The following GYG1 variants were observed in gnomAD, a reference collection of about 807,000 sequenced individuals.
The protein encoded by GYG1 is glycogenin-1.
GYG1 carries 44 observed loss-of-function variants against 41.9 expected under a neutral mutation model. The ratio of observed to expected loss-of-function variants is 1.05; its 90% CI spans 0.83 to 1.35. The LOEUF (loss-of-function observed/expected upper bound fraction) is 1.35, where lower values mean the gene tolerates loss of function less well. Ranked by LOEUF, GYG1 falls within the 40% of genes most tolerant of loss-of-function variation. GYG1 has a pLI of 0.00. For missense variants in GYG1, 429 were observed against 418.9 expected (o/e 1.02, Z -0.21); for synonymous variants, 141 against 158.1 (o/e 0.89, Z 0.81).
At chr3:148,996,192 C>T (rs1164581638) in intron 2 of GYG1, 110 bp from the exon 3 acceptor site, 3 of 822,002 alleles carry the variant, frequency 3.6e-6, no homozygotes, top group African/African-American at 1.7e-5. Context: ...CAAAGCAATA[C>T]ATTGTTCTAG....
chr3:149,007,427 A>G (rs1713463384), intron 4 of GYG1, among the ~76,000 whole-genome samples: 1 of 152,228 alleles, frequency 6.6e-6, no homozygotes, highest in African/African-American at 2.4e-5. Flanking sequence ...CCTTTGAGGA[A>G]CAGAGACCTG....
intron 4 of GYG1, 116 bp from the exon 5 acceptor site, chr3:149,009,158 CAA>C (rs3043934): frequency 0.012 from 7,789 of 630,566 alleles, 112 homozygotes; most frequent in African/African-American, 0.08. Flanking sequence ...GACTCCGTCT[CAA>C]AAAAAAAAAA....
chr3:148,994,119 G>C, intron 1 of GYG1, 23 bp from the exon 2 acceptor site: 1 of 1,430,462 alleles, frequency 7.0e-7, no homozygotes. Flanking sequence ...TGTAATGAGT[G>C]TTTTTTTTTT....
At chr3:149,020,974 A>G (rs1338757208) in intron 5 of GYG1, among the ~76,000 whole-genome samples, 1 of 152,044 alleles carries the variant, frequency 6.6e-6, no homozygotes, top group Non-Finnish European at 1.5e-5. Flanking sequence ...CCTTCCCTCC[A>G]CTCTGCAACA....
At chr3:149,012,506 A>G (rs970126264) in intron 5 of GYG1, among the ~76,000 whole-genome samples, 6 of 152,356 alleles carry the variant, frequency 3.9e-5, no homozygotes, top group Middle Eastern at 3.4e-3. Flanking sequence ...TTGGATATCT[A>G]GAACTTTGTG....
Position 149,026,865 on chromosome 3 carries a change from C to T in GYG1, c.985C>T (p.Gln329Ter). The stretch of plus-strand genomic sequence containing the variant: ...ACGGAAGGAACGATGGGAACAGGGC[C>T]AGGCTGATTATATGGGAGCAGATTC... ...EERKERWEQG[Q>*]ADYMGADSFD... Residue 329 changes from glutamine (Q) to a stop codon, truncating the protein, a stop_gained, in exon 8 of 8, where the codon CAG (glutamine) becomes TAG (stop). Transcript: ENST00000345003. LOFTEE classifies it high-confidence loss of function. 1.2e-6 allele frequency: 2 copies of T among 1,613,888 alleles called. No homozygotes were observed. The highest frequency in any genetic ancestry group is 1.7e-6 in the Non-Finnish European group (2 of 1,179,782).
At chr3:149,000,243 C>T (rs1031191367) in intron 4 of GYG1, among the ~76,000 whole-genome samples, 2 of 152,164 alleles carry the variant, frequency 1.3e-5, no homozygotes, top group African/African-American at 4.8e-5. Flanking sequence ...ACTACATAAC[C>T]GAATTCATGG....
intron 4 of GYG1, among the ~76,000 whole-genome samples, chr3:149,002,274 A>T (rs1255153214): frequency 6.6e-6 from 1 of 152,254 alleles, no homozygotes; most frequent in East Asian, 1.9e-4. Flanking sequence ...CCTTACAGAC[A>T]TCTAACAACT....
intron 4 of GYG1, among the ~76,000 whole-genome samples, chr3:149,000,566 G>A (rs1311494312): frequency 1.3e-5 from 2 of 152,128 alleles, no homozygotes; most frequent in Non-Finnish European, 1.5e-5. Flanking sequence ...TGCAAGTTGA[G>A]GTTTATTTTC....
chr3:148,997,498 G>A (rs1413773735), intron 4 of GYG1, among the ~76,000 whole-genome samples: 1 of 152,134 alleles, frequency 6.6e-6, no homozygotes, highest in Non-Finnish European at 1.5e-5. Context: ...ACATATAAAT[G>A]TATTTATAGT....
rs766983728 is a variant in GYG1 at position 149,024,190 on chromosome 3, G to A, written c.746G>A (p.Trp249Ter). The A allele has an allele frequency of 1.2e-6, 2 of 1,613,918 alleles. No individual in the cohort carries two copies. The highest frequency in any genetic ancestry group is 1.7e-5 in the Admixed American group (1 of 60,026). ...NMTHPEFLIL[W>*]WNIFTTNVLP... ...ACTCATCCAGAGTTTCTCATCCTGTGGTGGAACATCTTTACCACCAACGTT... is the reference window on the plus strand; with the variant it reads ...ACTCATCCAGAGTTTCTCATCCTGTAGTGGAACATCTTTACCACCAACGTT... The change falls in exon 6 of 8, where the codon TGG becomes TAG. Residue 249 changes from tryptophan (W) to a stop codon, truncating the protein, a stop_gained. Transcript: ENST00000345003. LOFTEE classifies it high-confidence loss of function.
At chr3:149,018,238 T>C (rs1186079881) in intron 5 of GYG1, among the ~76,000 whole-genome samples, 1 of 152,168 alleles carries the variant, frequency 6.6e-6, no homozygotes, top group Admixed American at 6.5e-5. Flanking sequence ...AGATTGAAAC[T>C]CTAGATATGA....
At chr3:148,995,841 A>G (rs552796183) in intron 2 of GYG1, among the ~76,000 whole-genome samples, 169 of 152,340 alleles carry the variant, frequency 1.1e-3, no homozygotes, top group Non-Finnish European at 2.0e-3. Context: ...TCTGGGGCAT[A>G]GAGAAGTGTT....
chr3:149,023,850 G>A (rs1209761485), intron 5 of GYG1, among the ~76,000 whole-genome samples: 1 of 150,398 alleles, frequency 6.6e-6, no homozygotes, highest in Non-Finnish European at 1.5e-5. Context: ...AGCTAGGCAT[G>A]GTGGCCTGTG....
intron 4 of GYG1, among the ~76,000 whole-genome samples, chr3:148,997,574 GA>G (rs1185598772): frequency 2.6e-5 from 4 of 152,174 alleles, no homozygotes; most frequent in African/African-American, 4.8e-5. Context: ...TTGATCAAAT[GA>G]ATTAGTAAGT....
Position 148,996,471 on chromosome 3 carries a change from ACTC to A in GYG1, c.314_316del (p.Thr105_Leu106delinsMet). The A allele has an allele frequency of 6.2e-7, 1 of 1,613,152 alleles. No homozygotes were observed. The highest frequency in any genetic ancestry group is 8.5e-7 in the Non-Finnish European group (1 of 1,179,286). ...AAAATGTGTATTCATGGATGCAGAT[ACTC>A]TGGTGAGTGTGGCTTTGAGGGTAGA... On this transcript the variant is annotated inframe_deletion and splice_region_variant, in exon 3 of 8. Coordinates refer to ENST00000345003, the MANE Select transcript of GYG1 (RefSeq NM_004130.4).
intron 5 of GYG1, among the ~76,000 whole-genome samples, chr3:149,012,157 G>A (rs1156516337): frequency 6.6e-6 from 1 of 151,020 alleles, no homozygotes; most frequent in Non-Finnish European, 1.5e-5. Flanking sequence ...TTATTATAAG[G>A]TAATATAAAA....
Position 148,996,375 on chromosome 3 carries a change from AC to A in GYG1, c.219del (p.Leu74Ter). 6.2e-7 allele frequency: 1 copy of A among 1,612,310 alleles called. No individual in the cohort carries two copies. Among genetic ancestry groups the A allele is most frequent in the Non-Finnish European group, 8.5e-7 (1 of 1,179,120 alleles). ...VLDSGDSAHL[T>X]LMKRPELGVT... is the part of the protein sequence containing the mutation. ...GGACAGTGGCGATTCTGCTCATCTAACCTTAATGAAGAGGCCAGAGTTGGGT... is the reference window on the plus strand; with the variant it reads ...GGACAGTGGCGATTCTGCTCATCTAACTTAATGAAGAGGCCAGAGTTGGGT... On this transcript the variant is annotated frameshift_variant, in exon 3 of 8. Transcript: ENST00000345003. LOFTEE classifies it high-confidence loss of function.
Position 149,024,271 on chromosome 3 carries a change from TG to T in GYG1, c.828+1del. ...AAAGACACCTGCTCATATGTAAATG[TG>T]GTAGGTTCTGTTTCTTTTCTTCAGA... ...LVKDTCSYVN[V>X]LSDLVYTLAF... On this transcript the variant is annotated frameshift_variant and splice_region_variant, in exon 6 of 8. Transcript: ENST00000345003. LOFTEE classifies it high-confidence loss of function. The T allele has an allele frequency of 6.4e-7, 1 of 1,566,492 alleles. No individual in the cohort carries two copies. The highest frequency in any genetic ancestry group is 8.8e-7 in the Non-Finnish European group (1 of 1,136,542).
Sources: allele counts gnomAD v4.1 joint callset (sites outside exome capture counted in the v4.1 genomes callset), GRCh38; gene constraint gnomAD v4.1.1; transcripts MANE v1.5; gene names NCBI Gene and HGNC (gene_info 2026-07-23, HGNC 2026-07-21).